The following SORBS2 variants were observed in gnomAD, a reference collection of about 807,000 sequenced individuals.
The protein encoded by SORBS2 is sorbin and SH3 domain containing 2.
In SORBS2, 46 loss-of-function variants were observed where a neutral mutation model predicts 97.7. The ratio of observed to expected loss-of-function variants is 0.47; its 90% CI spans 0.37 to 0.60. The LOEUF is 0.60. Ranked by LOEUF, SORBS2 falls within the 20% of genes least tolerant of loss-of-function variation. The probability of loss-of-function intolerance (pLI) is 0.00; values close to 1 mark genes in which losing one functional copy is unlikely to be tolerated. For synonymous variants in SORBS2, 476 were observed against 473.4 expected (o/e 1.01, Z -0.07); for missense variants, 1,316 against 1,282.3 (o/e 1.03, Z -0.40).
intron 1 of SORBS2, among the ~76,000 whole-genome samples, chr4:185,929,888 T>A (rs1363038483): frequency 6.6e-6 from 1 of 152,160 alleles, no homozygotes; most frequent in East Asian, 1.9e-4. Context: ...ATGGGTTGAA[T>A]CTCATATTCT....
chr4:185,855,840 G>T (rs1341179811), intron 1 of SORBS2, among the ~76,000 whole-genome samples: 3 of 152,190 alleles, frequency 2.0e-5, no homozygotes, highest in African/African-American at 7.2e-5. Context: ...GCATGAAGAT[G>T]CCATGTTCTT....
chr4:185,844,194 C>G (rs764972737), intron 1 of SORBS2, among the ~76,000 whole-genome samples: 2 of 152,106 alleles, frequency 1.3e-5, no homozygotes, highest in African/African-American at 4.8e-5. Context: ...GGACCCTATA[C>G]AAAAAGATTA....
chr4:185,783,103 T>C (rs1275705332), intron 1 of SORBS2, among the ~76,000 whole-genome samples: 1 of 152,174 alleles, frequency 6.6e-6, no homozygotes, highest in East Asian at 1.9e-4. Context: ...TAGTACATAA[T>C]ACACACCGTG....
chr4:185,779,122 T>C (rs1172540111), intron 1 of SORBS2, among the ~76,000 whole-genome samples: 1 of 152,258 alleles, frequency 6.6e-6, no homozygotes, highest in Non-Finnish European at 1.5e-5. Flanking sequence ...GCAAAGACCA[T>C]CTGCAGCTTT....
At chr4:185,720,431 C>T (rs771096314) in intron 2 of SORBS2, among the ~76,000 whole-genome samples, 5 of 152,170 alleles carry the variant, frequency 3.3e-5, no homozygotes, top group Admixed American at 6.5e-5. Context: ...AGTGACACGG[C>T]GGCTATTGAA....
chr4:185,678,721 C>T lies in SORBS2; in HGVS notation c.-171+75G>A, dbSNP rs963146499. Reference sequence around the variant, plus strand: ...ATGAAATTTAAATTTAACATGAAGTCAGCGATGTGGCTATGAATATGTTTT... The same window carrying T: ...ATGAAATTTAAATTTAACATGAAGTTAGCGATGTGGCTATGAATATGTTTT... On this transcript the variant is annotated intron_variant, in intron 3 of 20. Coordinates refer to the SORBS2 transcript ENST00000284776. 1.4e-5 allele frequency: 17 copies of T among 1,174,846 alleles called. 1 individual carries two copies. The highest frequency in any genetic ancestry group is 1.9e-5 in the Non-Finnish European group (16 of 843,648). The allele number at this position is 1,174,846 out of a possible 1,614,324, so 72.8% of individuals were successfully genotyped here.
chr4:185,628,171 A>G (rs774469630), intron 5 of SORBS2, among the ~76,000 whole-genome samples: 7 of 152,142 alleles, frequency 4.6e-5, no homozygotes, highest in Non-Finnish European at 8.8e-5. Context: ...GTGTGAACCT[A>G]AGTTTTTAAA....
chr4:185,815,136 T>G (rs555966544), intron 1 of SORBS2, among the ~76,000 whole-genome samples: 1 of 152,246 alleles, frequency 6.6e-6, no homozygotes, highest in Non-Finnish European at 1.5e-5. Flanking sequence ...TTTAAAATTT[T>G]GCTAATATAA....
intron 1 of SORBS2, among the ~76,000 whole-genome samples, chr4:185,855,505 A>C (rs2099220237): frequency 6.6e-6 from 1 of 152,152 alleles, no homozygotes; most frequent in Non-Finnish European, 1.5e-5. Flanking sequence ...TCATTTCATT[A>C]GGAGGCTCCT....
chr4:185,827,800 GTCA>G lies in SORBS2; in HGVS notation c.-337-52437_-337-52435del, dbSNP rs561414555. On this transcript the variant is annotated intron_variant, in intron 1 of 20. Transcript: ENST00000284776. ...CACCATCATCATCGTCACCATCATC[GTCA>G]TCATCACCATCATCACCGTCACCAT... 1.3e-3 allele frequency among the ~76,000 whole-genome samples: 20 copies of G among 15,654 alleles called. No individual in the cohort carries two copies. The South Asian group carries it at 0.027, about 21-fold the overall frequency. 10.3% of individuals were successfully genotyped at this position (15,654 alleles called of 152,430 possible).
chr4:185,590,806 A>G (rs1321708126), intron 13 of SORBS2, among the ~76,000 whole-genome samples: 1 of 152,196 alleles, frequency 6.6e-6, no homozygotes, highest in Non-Finnish European at 1.5e-5. Flanking sequence ...GAAGAATTTG[A>G]TAGGCAGTTA....
intron 6 of SORBS2, among the ~76,000 whole-genome samples, chr4:185,625,284 T>C (rs1228111786): frequency 6.6e-6 from 1 of 152,166 alleles, no homozygotes; most frequent in Non-Finnish European, 1.5e-5. Flanking sequence ...GAAAAATCAT[T>C]TGCAATTTGA....
At chr4:185,599,990 T>A (rs1467375611) in intron 12 of SORBS2, among the ~76,000 whole-genome samples, 5 of 152,132 alleles carry the variant, frequency 3.3e-5, no homozygotes, top group Non-Finnish European at 7.3e-5. Context: ...AGCCGCAGAA[T>A]CTCCTAGACA....
chr4:185,745,939 C>T (rs1406904444), intron 2 of SORBS2, among the ~76,000 whole-genome samples: 1 of 152,130 alleles, frequency 6.6e-6, no homozygotes, highest in Admixed American at 6.5e-5. Context: ...GTTGTCTCTA[C>T]AGAAAGAGAA....
At chr4:185,769,863 G>C (rs2098959415) in intron 2 of SORBS2, among the ~76,000 whole-genome samples, 1 of 152,142 alleles carries the variant, frequency 6.6e-6, no homozygotes, top group African/African-American at 2.4e-5. Context: ...TAGGTAACTG[G>C]GCAGCACAGG....
intron 2 of SORBS2, among the ~76,000 whole-genome samples, chr4:185,687,350 A>C (rs1162761995): frequency 1.3e-5 from 2 of 152,224 alleles, no homozygotes; most frequent in Non-Finnish European, 2.9e-5. Flanking sequence ...ATTTTAGATC[A>C]GTAAATGAGA....
chr4:185,693,548 C>G (rs2098128975), intron 2 of SORBS2, among the ~76,000 whole-genome samples: 1 of 152,180 alleles, frequency 6.6e-6, no homozygotes, highest in African/African-American at 2.4e-5. Context: ...AAGGGATAAA[C>G]AACCTCCAGA....
At chr4:185,710,732 C>T (rs1201206434) in intron 2 of SORBS2, among the ~76,000 whole-genome samples, 2 of 152,172 alleles carry the variant, frequency 1.3e-5, no homozygotes, top group East Asian at 1.9e-4. Context: ...ATGGATTCGT[C>T]GTGGCTGCTG....
At position 185,941,161 on chromosome 4, in the gene SORBS2, G is replaced by C. The variant is rs571554805; in HGVS notation, c.-338+15035C>G. Among the ~76,000 whole-genome samples, 4 of 152,260 alleles carry C rather than the reference G, an allele frequency of 2.6e-5. No individual in the cohort carries two copies. The East Asian group carries it at 7.7e-4, about 29-fold the overall frequency. ...TGTATTTCAGACTTACCACGTGCCG[G>C]ACACCATTCTAAAGTTTTTACATTT... On this transcript the variant is annotated intron_variant, in intron 1 of 20. Coordinates refer to the SORBS2 transcript ENST00000284776.
Sources: allele counts gnomAD v4.1 joint callset (sites outside exome capture counted in the v4.1 genomes callset), GRCh38; gene constraint gnomAD v4.1.1; transcripts MANE v1.5; gene names NCBI Gene and HGNC (gene_info 2026-07-23, HGNC 2026-07-21).